The following MFHAS1 variants were observed in gnomAD, a reference collection of about 807,000 sequenced individuals.
MFHAS1 encodes malignant fibrous histiocytoma-amplified sequence 1.
MFHAS1 carries 50 observed loss-of-function variants against 70.4 expected under a neutral mutation model. That is an observed-to-expected ratio of 0.71 (90% confidence interval 0.57 to 0.90). The LOEUF (loss-of-function observed/expected upper bound fraction) is 0.90. MFHAS1 is among the 40% of genes least tolerant of loss of function. MFHAS1 has a pLI of 0.00. For missense variants in MFHAS1, 1,795 were observed against 1,347.6 expected (o/e 1.33, Z -5.20); for synonymous variants, 952 against 620.0 (o/e 1.54, Z -7.96).
At chr8:8,868,363 GA>G (rs1313328316) in intron 1 of MFHAS1, among the ~76,000 whole-genome samples, 2 of 150,054 alleles carry the variant, frequency 1.3e-5, no homozygotes, top group African/African-American at 4.9e-5. Flanking sequence ...AAGATGCAAA[GA>G]TTTTTTTTAA....
chr8:8,843,235 G>C (rs1425425766), intron 1 of MFHAS1, among the ~76,000 whole-genome samples: 1 of 146,270 alleles, frequency 6.8e-6, no homozygotes, highest in East Asian at 2.0e-4. Context: ...CGCCACTGCA[G>C]TCCGCAGTCC....
chr8:8,861,009 T>G (rs773180968), intron 1 of MFHAS1, among the ~76,000 whole-genome samples: 16 of 152,236 alleles, frequency 1.1e-4, no homozygotes, highest in Non-Finnish European at 1.6e-4. Context: ...CAGTCCCTAT[T>G]AGCGATTATG....
At chr8:8,799,229 A>G (rs1806005724) in intron 1 of MFHAS1, among the ~76,000 whole-genome samples, 2 of 152,312 alleles carry the variant, frequency 1.3e-5, no homozygotes, top group South Asian at 4.1e-4. Flanking sequence ...AGTTTAATTT[A>G]TAAATTAGGC....
At chr8:8,804,146 G>C (rs956337230) in intron 1 of MFHAS1, among the ~76,000 whole-genome samples, 1 of 152,096 alleles carries the variant, frequency 6.6e-6, no homozygotes, top group African/African-American at 2.4e-5. Flanking sequence ...CAAACTCATA[G>C]GCTCACTTGA....
rs141332488 is a variant in MFHAS1 at position 8,871,549 on chromosome 8, G to A, written c.2998+18512C>T. Among the ~76,000 whole-genome samples, 1,055 of 152,218 alleles carry A rather than the reference G, an allele frequency of 6.9e-3. 9 individuals are homozygous for A. The highest frequency in any genetic ancestry group is 0.024 in the African/African-American group (995 of 41,526). ...TGGGCAACAGAGTGATCACAAACAC[G>A]CAAACAAAGAAAAAACTACTTGGGG... On this transcript the variant is annotated intron_variant, in intron 1 of 2. Transcript: ENST00000276282.
In MFHAS1 at chr8:8,890,177, G is replaced by T. The variant is rs1353771868; in HGVS notation, c.2882C>A (p.Pro961His). Reference protein sequence around the residue: ...NIWTAWQAITPLVEELNVLLQ... With the variant: ...NIWTAWQAITHLVEELNVLLQ... ...TAGGACATTCAGTTCCTCCACCAAGGGGGTTATGGCTTGCCATGCGGTCCA... is the reference window on the plus strand; with the variant it reads ...TAGGACATTCAGTTCCTCCACCAAGTGGGTTATGGCTTGCCATGCGGTCCA... The change falls in exon 1 of 3, where the codon CCC becomes CAC. Residue 961 changes from proline to histidine, a missense_variant. Pro to His is a moderately conservative substitution (Grantham distance 77). Coordinates refer to ENST00000276282, the MANE Select transcript of MFHAS1 (RefSeq NM_004225.3). 1 of 1,614,040 alleles carries T rather than the reference G, an allele frequency of 6.2e-7. No individual in the cohort carries two copies. Among genetic ancestry groups the T allele is most frequent in the Non-Finnish European group, 8.5e-7 (1 of 1,180,036 alleles).
At chr8:8,844,771 A>G (rs537791181) in intron 1 of MFHAS1, among the ~76,000 whole-genome samples, 12 of 152,164 alleles carry the variant, frequency 7.9e-5, no homozygotes, top group African/African-American at 2.9e-4. Flanking sequence ...TTGATTTTCA[A>G]CTCCTAGAGA....
At chr8:8,876,427 A>G (rs999799354) in intron 1 of MFHAS1, among the ~76,000 whole-genome samples, 1 of 152,132 alleles carries the variant, frequency 6.6e-6, no homozygotes, top group Non-Finnish European at 1.5e-5. Context: ...TCAAATGATG[A>G]TAAGATGCAA....
intron 1 of MFHAS1, among the ~76,000 whole-genome samples, chr8:8,831,116 G>A (rs531083189): frequency 6.6e-6 from 1 of 151,746 alleles, no homozygotes; most frequent in Non-Finnish European, 1.5e-5. Flanking sequence ...TTCTTGTTAT[G>A]TCCTCACATG....
At chr8:8,793,201 T>G (rs1805778110) in intron 2 of MFHAS1, among the ~76,000 whole-genome samples, 1 of 152,156 alleles carries the variant, frequency 6.6e-6, no homozygotes, top group Admixed American at 6.5e-5. Context: ...CACTACCTAC[T>G]TCTTATTCTC....
At position 8,892,524 on chromosome 8, in the gene MFHAS1, A is replaced by C; in HGVS notation, c.535T>G (p.Cys179Gly). Residue 179 changes from cysteine (C) to glycine (G), a missense_variant, in exon 1 of 3, where the codon TGC becomes GGC. Cys to Gly is a radical substitution (Grantham distance 159, BLOSUM62 -3). Transcript: ENST00000276282. This position sits in a 1 kb window ranked among gnomAD's most constrained non-coding sequence, Gnocchi z 4.7. The part of the protein sequence containing the change: ...RLAHLPDSLS[C>G]LSRLRTLDVD... ...TCCAGGGTGCGCAGGCGGGAGAGGC[A>C]GGAGAGGGAGTCAGGCAGGTGCGCC... The C allele has an allele frequency of 6.3e-7, 1 of 1,596,780 alleles. No individual in the cohort carries two copies. The highest frequency in any genetic ancestry group is 8.5e-7 in the Non-Finnish European group (1 of 1,171,908).
At chr8:8,787,086 T>C (rs1163254472) in intron 2 of MFHAS1, among the ~76,000 whole-genome samples, 4 of 20,170 alleles carry the variant, frequency 2.0e-4, no homozygotes, top group Non-Finnish European at 2.8e-4. Context: ...ATTATTATTA[T>C]TTTTTTTTTT....
chr8:8,784,483 G>C lies in MFHAS1; in HGVS notation c.*1539C>G, dbSNP rs1015155759. On this transcript the variant is annotated 3_prime_UTR_variant, in exon 3 of 3. Coordinates refer to ENST00000276282, the MANE Select transcript of MFHAS1 (RefSeq NM_004225.3). ...ATAAGAAATCATTCTCTGAACTGCA[G>C]GTTCTGGAGTCAGTGAAATTAATGC... The C allele has an allele frequency of 2.6e-5, 4 of 152,226 alleles. No individual in the cohort carries two copies. The highest frequency in any genetic ancestry group is 9.6e-5 in the African/African-American group (4 of 41,466). 9.4% of individuals were successfully genotyped at this position (152,226 alleles called of 1,614,324 possible).
intron 1 of MFHAS1, among the ~76,000 whole-genome samples, chr8:8,870,618 G>T (rs866161378): frequency 2.0e-5 from 3 of 152,100 alleles, no homozygotes; most frequent in Admixed American, 1.3e-4. Flanking sequence ...CTCCCCTGGA[G>T]ACCTCCCATC....
chr8:8,817,452 C>T (rs558952196), intron 1 of MFHAS1, among the ~76,000 whole-genome samples: 11 of 152,344 alleles, frequency 7.2e-5, no homozygotes, highest in African/African-American at 2.4e-4. Flanking sequence ...CCTCATTCCT[C>T]CTCACAGTGC....
chr8:8,885,953 G>C (rs1809735634), intron 1 of MFHAS1, among the ~76,000 whole-genome samples: 1 of 152,124 alleles, frequency 6.6e-6, no homozygotes, highest in Admixed American at 6.5e-5. Context: ...GGAGAAAGCA[G>C]GTCAAGACTT....
chr8:8,844,348 C>G (rs995600405), intron 1 of MFHAS1, among the ~76,000 whole-genome samples: 1 of 152,222 alleles, frequency 6.6e-6, no homozygotes, highest in African/African-American at 2.4e-5. Flanking sequence ...ATGCAGGCTT[C>G]AAATGTGTCA....
chr8:8,887,865 A>AC (rs965223006), intron 1 of MFHAS1, among the ~76,000 whole-genome samples: 2 of 149,974 alleles, frequency 1.3e-5, no homozygotes, highest in African/African-American at 4.9e-5. Context: ...AAAACAAAAA[A>AC]AAAAAAAAAA....
intron 2 of MFHAS1, among the ~76,000 whole-genome samples, chr8:8,787,199 G>GC (rs1226959786): frequency 6.6e-6 from 1 of 151,820 alleles, no homozygotes; most frequent in Non-Finnish European, 1.5e-5. Context: ...TCCTGCCTCA[G>GC]CCTCCCGAGT....
Sources: gnomAD v4.1 joint callset for allele counts (sites outside exome capture counted in the v4.1 genomes callset) on GRCh38, gnomAD v4.1.1 for gene constraint, Gnocchi (gnomAD v3.1) non-coding constraint, MANE v1.5 for transcripts, NCBI Gene and HGNC (gene_info 2026-07-23, HGNC 2026-07-21) for gene names.